Variants in POLE observed in about 807,000 individuals in gnomAD.
POLE encodes DNA polymerase epsilon, catalytic subunit.
Under a neutral mutation model 279.2 loss-of-function variants are expected in POLE, and 188 were observed. The observed-to-expected ratio is 0.67, with a 90% confidence interval of 0.60 to 0.76. POLE has a LOEUF of 0.76. Among genes scored for constraint, POLE ranks in the 30% least tolerant of loss-of-function variants. POLE has a pLI of 0.00. For missense variants in POLE, 2,703 were observed against 3,016.7 expected (o/e 0.90, Z 2.44); for synonymous variants, 1,214 against 1,172.5 (o/e 1.04, Z -0.72).
In POLE at chr12:132,676,752, A is replaced by G. The variant is rs1300145099; in HGVS notation, c.802-99T>C. On this transcript the variant is annotated intron_variant, in intron 8 of 48. Coordinates refer to ENST00000320574, the MANE Select transcript of POLE (RefSeq NM_006231.4). ...CTGCTCTACCTCCCTCTGGTTGTTA[A>G]AAGAGTCAAAAGGCTCTAGAGCTGG... 1.0e-4 allele frequency: 77 copies of G among 737,122 alleles called. 1 individual carries two copies. The Admixed American group carries it at 1.6e-3, about 15-fold the overall frequency. The allele number at this position is 737,122 out of a possible 1,614,324, so 45.7% of individuals were successfully genotyped here.
Position 132,632,399 on chromosome 12 carries a change from C to T in POLE, c.6246G>A (p.Glu2082=), listed in dbSNP as rs772402355. The part of the protein sequence containing the change: ...KKVTGSRNST[E]LSEMFPVLPG... ...GGAGGACAGGAAACATCTCTGAGAG[C>T]TCAGTGGAGTTCCGAGAGCCTGTGA... Residue 2082 remains glutamate, a synonymous_variant, in exon 45 of 49, where the codon GAG becomes GAA. Transcript: ENST00000320574. 7.4e-6 allele frequency: 12 copies of T among 1,613,968 alleles called. No individual in the cohort carries two copies. Among genetic ancestry groups the T allele is most frequent in the Non-Finnish European group, 1.0e-5 (12 of 1,179,852 alleles).
chr12:132,677,267 A>G (rs2043075143), intron 8 of POLE, 96 bp downstream of exon 8: 4 of 876,910 alleles, frequency 4.6e-6, no homozygotes, highest in Non-Finnish European at 7.8e-6. Flanking sequence ...AAAGCAGCAA[A>G]CATATCTTTG....
At chr12:132,647,194 A>T (rs2138584574) in intron 32 of POLE, among the ~76,000 whole-genome samples, 1 of 152,068 alleles carries the variant, frequency 6.6e-6, no homozygotes, top group Admixed American at 6.5e-5. Context: ...TAAAACATTA[A>T]ACACTGAGGC....
chr12:132,654,582 A>C (rs954165592), intron 29 of POLE, among the ~76,000 whole-genome samples: 16 of 152,156 alleles, frequency 1.1e-4, no homozygotes, highest in Non-Finnish European at 1.8e-4. Flanking sequence ...TCTGTCCTGA[A>C]AAAGATGTGA....
rs200136603 is a variant in POLE at position 132,672,776 on chromosome 12, T to C, written c.1537A>G (p.Asn513Asp). 16 of 1,614,060 alleles carry C rather than the reference T, an allele frequency of 9.9e-6. No individual in the cohort carries two copies. Among genetic ancestry groups the C allele is most frequent in the East Asian group, 4.5e-5 (2 of 44,896 alleles). Reference sequence around the variant, plus strand: ...TCTTGCTTGTTGGGGAAGATGATGTTGGCGTGGAAGGCCTGCACCATCAGC... The same window carrying C: ...TCTTGCTTGTTGGGGAAGATGATGTCGGCGTGGAAGGCCTGCACCATCAGC... ...ALLMVQAFHA[N>D]IIFPNKQEQE... Residue 513 changes from asparagine to aspartate, a missense_variant, in exon 15 of 49, where the codon AAC becomes GAC. Physicochemically the swap from Asn to Asp is conservative, Grantham distance 23. Transcript: ENST00000320574.
rs1461373446 is a variant in POLE at position 132,643,101 on chromosome 12, C to G, written c.4552-105G>C. On this transcript the variant is annotated intron_variant, in intron 35 of 48. Transcript: ENST00000320574. The stretch of plus-strand genomic sequence containing the variant: ...CACGGCACTGCCAATTCAATCACGA[C>G]AAGCACTCATGGGCAAAGGCCCTTG... 4 of 1,475,584 alleles carry G rather than the reference C, an allele frequency of 2.7e-6. No homozygotes were observed. The African/African-American group carries it at 5.6e-5, about 21-fold the overall frequency. The allele number at this position is 1,475,584 out of a possible 1,614,324, so 91.4% of individuals were successfully genotyped here. A position where few individuals can be genotyped will look rare whatever the true frequency, so the allele number is the denominator to read the frequency against.
chr12:132,657,531 A>G (rs1340003408), intron 27 of POLE, 102 bp from the exon 28 acceptor site: 2 of 973,268 alleles, frequency 2.1e-6, no homozygotes, highest in African/African-American at 3.2e-5. Context: ...GTCTTATTTA[A>G]TCCTCTCAGA....
chr12:132,679,918 C>A, intron 5 of POLE, 36 bp downstream of exon 5: 2 of 1,437,794 alleles, frequency 1.4e-6, no homozygotes, highest in South Asian at 1.2e-5. Flanking sequence ...TAGACTCTGG[C>A]CTCATTTACC....
chr12:132,677,533 G>C lies in POLE; in HGVS notation c.720+45C>G, dbSNP rs968117285. The C allele has an allele frequency of 1.1e-5, 17 of 1,612,686 alleles. No homozygotes were observed. In the Admixed American group the frequency reaches 2.2e-4, roughly 21 times the overall value. On this transcript the variant is annotated intron_variant, in intron 7 of 48. Transcript: ENST00000320574. ...CACCCATAATGATCATCTCCTGGCT[G>C]TTAGGAAATTCATGTGAGCAGCGAC...
rs1593792920 is a variant in POLE at position 132,668,744 on chromosome 12, G to A, written c.1924-7C>T. The A allele has an allele frequency of 6.2e-7, 1 of 1,613,786 alleles. No individual in the cohort carries two copies. The highest frequency in any genetic ancestry group is 8.5e-7 in the Non-Finnish European group (1 of 1,179,686). The stretch of plus-strand genomic sequence containing the variant: ...CGTCCACCATGGCAGAGGGCTGGGA[G>A]GGGTGAGAAAGCACTTAGGGCTGGG... On this transcript the variant is annotated splice_region_variant and splice_polypyrimidine_tract_variant and intron_variant, in intron 17 of 48. Coordinates refer to ENST00000320574, the MANE Select transcript of POLE (RefSeq NM_006231.4). The surrounding 1 kb of genome is among the most constrained non-coding windows in gnomAD (Gnocchi z 4.0).
intron 12 of POLE, 115 bp from the exon 13 acceptor site, chr12:132,673,822 C>A: frequency 8.2e-7 from 1 of 1,212,214 alleles, no homozygotes; most frequent in Non-Finnish European, 1.2e-6. Context: ...AACAGGCACC[C>A]AGGAGCCTCA....
At chr12:132,637,978 CCA>C (rs747257264) in intron 41 of POLE, 34 bp downstream of exon 41, 2 of 1,610,070 alleles carry the variant, frequency 1.2e-6, no homozygotes, top group South Asian at 1.1e-5. Context: ...CCTCTCAAAG[CCA>C]CAGTGCTGCG....
Position 132,675,620 on chromosome 12 carries a change from T to A in POLE, c.1107-103A>T. 1 of 1,588,130 alleles carries A rather than the reference T, an allele frequency of 6.3e-7. No homozygotes were observed. ...CAGGGAGGAACCCAGACACGGGAGG[T>A]GCAGAGTGAACCCAGGAGCCACCTC... is the stretch of plus-strand genomic sequence containing the variant. On this transcript the variant is annotated intron_variant, in intron 11 of 48. Coordinates refer to ENST00000320574, the MANE Select transcript of POLE (RefSeq NM_006231.4). The surrounding 1 kb of genome is among the most constrained non-coding windows in gnomAD (Gnocchi z 4.3).
intron 15 of POLE, 92 bp from the exon 16 acceptor site, chr12:132,672,414 G>T: frequency 8.2e-7 from 1 of 1,215,936 alleles, no homozygotes; most frequent in Non-Finnish European, 1.2e-6. Flanking sequence ...GTGGCAGGTT[G>T]TGCCCGAGAA....
At chr12:132,648,762 C>G (rs543266828) in intron 32 of POLE, 167 bp downstream of exon 32, 2 of 699,126 alleles carry the variant, frequency 2.9e-6, no homozygotes, top group Admixed American at 5.6e-5. Flanking sequence ...CCGGCACTCG[C>G]TCTGCCCCAG....
intron 15 of POLE, 59 bp from the exon 16 acceptor site, chr12:132,672,381 C>T: frequency 1.4e-6 from 2 of 1,398,320 alleles, no homozygotes; most frequent in Admixed American, 1.7e-5. Flanking sequence ...TAGCCTGCCT[C>T]AGGTTTGACG....
intron 25 of POLE, 126 bp from the exon 26 acceptor site, chr12:132,659,635 G>T: frequency 1.4e-6 from 1 of 693,180 alleles, no homozygotes; most frequent in Non-Finnish European, 2.5e-6. Flanking sequence ...AATTTCAAGA[G>T]CTCTCTAATA....
At chr12:132,686,746 AAC>A (rs1429575641) in intron 1 of POLE, among the ~76,000 whole-genome samples, 2 of 151,976 alleles carry the variant, frequency 1.3e-5, no homozygotes, top group Non-Finnish European at 2.9e-5. Context: ...AAAAAAATAA[AAC>A]AGAGGAGACG....
rs2135969004 is a variant in POLE, at chr12:132,667,490, C to G, written c.2319+13G>C. Reference sequence around the variant, plus strand: ...CTCACAGAGGCCAAAGCTTGCAGCCCCTCAGAGCTCACCTTGTGGAGCCCT... The same window carrying G: ...CTCACAGAGGCCAAAGCTTGCAGCCGCTCAGAGCTCACCTTGTGGAGCCCT... On this transcript the variant is annotated intron_variant, in intron 20 of 48. Transcript: ENST00000320574. The G allele has an allele frequency of 6.2e-7, 1 of 1,613,778 alleles. No homozygotes were observed. Among genetic ancestry groups the G allele is most frequent in the East Asian group, 2.2e-5 (1 of 44,876 alleles).
Sources: gnomAD v4.1 joint callset for allele counts (sites outside exome capture counted in the v4.1 genomes callset) on GRCh38, gnomAD v4.1.1 for gene constraint, Gnocchi (gnomAD v3.1) non-coding constraint, MANE v1.5 for transcripts, NCBI Gene and HGNC (gene_info 2026-07-23, HGNC 2026-07-21) for gene names.